TBX15: variants seen among roughly 807,000 people sequenced by gnomAD.
TBX15 encodes T-box transcription factor 15.
In TBX15, 18 loss-of-function variants were observed where a neutral mutation model predicts 53.9. The ratio of observed to expected loss-of-function variants is 0.33; its 90% CI spans 0.23 to 0.49. The LOEUF (loss-of-function observed/expected upper bound fraction) is 0.49. Ranked by LOEUF, TBX15 falls within the 20% of genes least tolerant of loss-of-function variation. The pLI, the probability that TBX15 is intolerant of heterozygous loss-of-function variation, is 0.98. For synonymous variants in TBX15, 295 were observed against 278.0 expected (o/e 1.06, Z -0.61); for missense variants, 692 against 749.5 (o/e 0.92, Z 0.90).
intron 7 of TBX15, among the ~76,000 whole-genome samples, chr1:118,895,726 C>T (rs2101485663): frequency 1.3e-5 from 2 of 152,004 alleles, no homozygotes; most frequent in South Asian, 4.1e-4. Context: ...TAACTGAAGA[C>T]ATCTGAAGAC....
intron 7 of TBX15, chr1:118,891,015 A>G: frequency 9.0e-7 from 1 of 1,112,554 alleles, no homozygotes; most frequent in Non-Finnish European, 1.2e-6. Flanking sequence ...GACTGATCCC[A>G]GAGAATAAAC....
At chr1:118,896,236 G>A (rs1654419684) in intron 7 of TBX15, among the ~76,000 whole-genome samples, 1 of 152,036 alleles carries the variant, frequency 6.6e-6, no homozygotes, top group Non-Finnish European at 1.5e-5. Flanking sequence ...TCTTTTTTGT[G>A]TCAAAGGCAG....
chr1:118,945,680 T>TC (rs1656326290), intron 1 of TBX15, among the ~76,000 whole-genome samples: 1 of 151,980 alleles, frequency 6.6e-6, no homozygotes, highest in African/African-American at 2.4e-5. Context: ...AAGGATTATT[T>TC]TCCCCCCCTA....
At chr1:118,980,051 G>T (rs1190529966) in intron 1 of TBX15, among the ~76,000 whole-genome samples, 3 of 152,230 alleles carry the variant, frequency 2.0e-5, no homozygotes, top group Non-Finnish European at 4.4e-5. Flanking sequence ...CCGAAACTGC[G>T]CTGTTTTTCC....
intron 2 of TBX15, among the ~76,000 whole-genome samples, chr1:118,928,470 TA>T (rs1439212467): frequency 1.3e-5 from 2 of 152,204 alleles, no homozygotes; most frequent in Non-Finnish European, 2.9e-5. Context: ...TTAGGCACTT[TA>T]ATTTGCATTA....
chr1:118,915,112 T>A (rs1375719606), intron 5 of TBX15, among the ~76,000 whole-genome samples: 2 of 152,208 alleles, frequency 1.3e-5, no homozygotes, highest in Non-Finnish European at 2.9e-5. Context: ...CTTTCAGCCT[T>A]GGTACCTTTG....
At chr1:118,988,859 G>GAAACAAAC (rs529522656), upstream of TBX15, among the ~76,000 whole-genome samples, 1 of 152,218 alleles carries the variant, frequency 6.6e-6, no homozygotes, top group Non-Finnish European at 1.5e-5. Context: ...AAGGCAAAAG[G>GAAACAAAC]AAACAAACAA....
At chr1:118,921,908 G>C (rs1413123758) in intron 5 of TBX15, among the ~76,000 whole-genome samples, 1 of 152,152 alleles carries the variant, frequency 6.6e-6, no homozygotes, top group Non-Finnish European at 1.5e-5. Flanking sequence ...ACAGTAAGAG[G>C]TGAAAATAGC....
rs945493452 is a variant in TBX15, at chr1:118,883,070, C to T, written c.*1662G>A. The T allele has an allele frequency of 2.6e-5, 4 of 152,588 alleles. No homozygotes were observed. Among genetic ancestry groups the T allele is most frequent in the South Asian group, 2.1e-4 (1 of 4,832 alleles). 9.5% of individuals were successfully genotyped at this position (152,588 alleles called of 1,614,324 possible). On this transcript the variant is annotated 3_prime_UTR_variant, in exon 8 of 8. Coordinates refer to ENST00000369429, the MANE Select transcript of TBX15 (RefSeq NM_001330677.2). ...AAACAATTGCAAAGATTTTATTTAG[C>T]GGCTTTCTGTGCTTGGCACTTAGAA...
At chr1:118,911,256 G>A (rs1237833865) in intron 6 of TBX15, among the ~76,000 whole-genome samples, 1 of 152,164 alleles carries the variant, frequency 6.6e-6, no homozygotes, top group Admixed American at 6.5e-5. Flanking sequence ...GTAATTAAAG[G>A]TCTGGAACAC....
intron 5 of TBX15, among the ~76,000 whole-genome samples, chr1:118,917,025 C>A (rs1052958614): frequency 1.1e-4 from 16 of 152,072 alleles, no homozygotes; most frequent in Non-Finnish European, 2.1e-4. Context: ...TCCTCAAAGA[C>A]CTAGAATCAG....
At chr1:118,900,534 C>T (rs547134418) in intron 6 of TBX15, among the ~76,000 whole-genome samples, 6 of 152,250 alleles carry the variant, frequency 3.9e-5, no homozygotes, top group Admixed American at 3.3e-4. Context: ...AAAGTCTTCC[C>T]TGGAATCTTG....
chr1:118,891,954 G>A (rs1159277822), intron 7 of TBX15, among the ~76,000 whole-genome samples: 1 of 151,966 alleles, frequency 6.6e-6, no homozygotes, highest in East Asian at 1.9e-4. Context: ...TAATTCTATA[G>A]GTAATTCCAC....
intron 1 of TBX15, among the ~76,000 whole-genome samples, chr1:118,959,024 CAGAGAGAGAGAG>C (rs10563585): frequency 6.9e-6 from 1 of 144,464 alleles, no homozygotes; most frequent in Admixed American, 7.0e-5. Context: ...GGTATAATAT[CAGAGAGAGAGAG>C]AGAGAGAGAG....
At chr1:118,929,999 C>T (rs901540172) in intron 2 of TBX15, among the ~76,000 whole-genome samples, 6 of 152,036 alleles carry the variant, frequency 3.9e-5, no homozygotes, top group African/African-American at 1.2e-4. Flanking sequence ...ACCCAAGCAA[C>T]GAAAAAGAGA....
chr1:118,948,137 G>A (rs112747512), intron 1 of TBX15, among the ~76,000 whole-genome samples: 3,075 of 152,092 alleles, frequency 0.02, 51 homozygotes, highest in Non-Finnish European at 0.028. Flanking sequence ...AGTACAGTCA[G>A]GGTCTCTATT....
At chr1:118,977,508 G>A (rs1340767436) in intron 1 of TBX15, among the ~76,000 whole-genome samples, 3 of 152,050 alleles carry the variant, frequency 2.0e-5, no homozygotes, top group African/African-American at 7.2e-5. Flanking sequence ...GGGTAGTAGC[G>A]ACAGAGGACA....
intron 1 of TBX15, among the ~76,000 whole-genome samples, chr1:118,986,225 C>A (rs1180503651): frequency 2.6e-5 from 4 of 152,136 alleles, no homozygotes; most frequent in Admixed American, 6.5e-5. Context: ...GTCTGGCCAG[C>A]GAAGGGAAAC....
Position 118,931,599 on chromosome 1 carries a change from T to C in TBX15, c.419+20A>G. 6.2e-7 allele frequency: 1 copy of C among 1,613,608 alleles called. No homozygotes were observed. Among genetic ancestry groups the C allele is most frequent in the Non-Finnish European group, 8.5e-7 (1 of 1,179,718 alleles). On this transcript the variant is annotated intron_variant, in intron 2 of 7. Transcript: ENST00000369429. Reference sequence around the variant, plus strand: ...CTGCAAATTCTTTGAATCTGGCCACTCAAAGGAATTTGTCCTTACCTGCCT... The same window carrying C: ...CTGCAAATTCTTTGAATCTGGCCACCCAAAGGAATTTGTCCTTACCTGCCT...
Sources: gnomAD v4.1 joint callset for allele counts (sites outside exome capture counted in the v4.1 genomes callset) on GRCh38, gnomAD v4.1.1 for gene constraint, MANE v1.5 for transcripts, NCBI Gene and HGNC (gene_info 2026-07-23, HGNC 2026-07-21) for gene names.